The following PRDM10 variants were observed in gnomAD, a reference collection of about 807,000 sequenced individuals.
PRDM10 encodes the protein PR/SET domain 10, also known as PR domain zinc finger protein 10.
In PRDM10, 65 loss-of-function variants were observed where a neutral mutation model predicts 133.1. The ratio of observed to expected loss-of-function variants is 0.49; its 90% confidence interval spans 0.40 to 0.60. The LOEUF is 0.60. PRDM10 is among the 20% of genes least tolerant of loss of function. The pLI is 0.00. For synonymous variants in PRDM10, 582 were observed against 580.4 expected (o/e 1.00, Z -0.04); for missense variants, 1,137 against 1,507.1 (o/e 0.75, Z 4.07).
intron 13 of PRDM10, among the ~76,000 whole-genome samples, chr11:129,922,391 C>A (rs1308371681): frequency 6.6e-6 from 1 of 152,106 alleles, no homozygotes; most frequent in South Asian, 2.1e-4. Context: ...ATACTTTTCA[C>A]ACTGGAGTTC....
intron 9 of PRDM10, among the ~76,000 whole-genome samples, chr11:129,933,805 C>A (rs1167725318): frequency 1.3e-5 from 2 of 152,134 alleles, no homozygotes; most frequent in African/African-American, 4.8e-5. Flanking sequence ...GTGTCCACCC[C>A]CTCCTTAGAC....
At chr11:129,942,224 G>T (rs981158067) in intron 7 of PRDM10, among the ~76,000 whole-genome samples, 2 of 152,088 alleles carry the variant, frequency 1.3e-5, no homozygotes, top group African/African-American at 4.8e-5. Context: ...TAGCATAAAA[G>T]CCATATACTT....
rs1030444019 is a variant in PRDM10 at position 129,987,473 on chromosome 11, C to T, written c.-119+15249G>A. On this transcript the variant is annotated intron_variant, in intron 1 of 20. Coordinates refer to ENST00000360871, the MANE Select transcript of PRDM10 (RefSeq NM_199437.2). ...ACTGCTGCCAATATGGAAAACAGCC[C>T]GGCAATTCCACAGAAGACTAAACAT... 5.3e-5 allele frequency among the ~76,000 whole-genome samples: 8 copies of T among 152,194 alleles called. No individual in the cohort carries two copies. In the East Asian group the frequency reaches 1.2e-3, roughly 22 times the overall value.
chr11:129,909,943 T>C (rs533219426), intron 19 of PRDM10, among the ~76,000 whole-genome samples: 31 of 152,256 alleles, frequency 2.0e-4, no homozygotes, highest in African/African-American at 6.7e-4. Context: ...GAAAAGTGAG[T>C]GTGTGGAAAT....
chr11:129,908,041 A>T (rs1184086321), intron 19 of PRDM10, among the ~76,000 whole-genome samples: 1 of 151,598 alleles, frequency 6.6e-6, no homozygotes, highest in East Asian at 1.9e-4. Flanking sequence ...TCGAGGCTGC[A>T]GTGAGCTATG....
chr11:129,931,277 A>G lies in PRDM10; in HGVS notation c.1288-19T>C. The stretch of plus-strand genomic sequence containing the variant: ...GCAAGTCCTGAAATTTGCAATAACC[A>G]GGAATAGAGATCAGTGCCGGAGGGA... On this transcript the variant is annotated intron_variant, in intron 10 of 20. Coordinates refer to ENST00000360871, the MANE Select transcript of PRDM10 (RefSeq NM_199437.2). The G allele has an allele frequency of 6.2e-7, 1 of 1,611,672 alleles. No individual in the cohort carries two copies. Among genetic ancestry groups the G allele is most frequent in the South Asian group, 1.1e-5 (1 of 90,898 alleles).
Position 129,931,307 on chromosome 11 carries a change from C to T in PRDM10, c.1288-49G>A, listed in dbSNP as rs778858923. 3.8e-6 allele frequency: 6 copies of T among 1,562,660 alleles called. No individual in the cohort carries two copies. The Admixed American group carries it at 1.1e-4, about 30-fold the overall frequency. On this transcript the variant is annotated intron_variant, in intron 10 of 20. Coordinates refer to ENST00000360871, the MANE Select transcript of PRDM10 (RefSeq NM_199437.2). ...TAGAGATCAGTGCCGGAGGGACTGT[C>T]AGCTCAGATTTAGAATTGCTGCTTA...
Position 129,947,799 on chromosome 11 carries a change from A to C in PRDM10, c.295-429T>G, listed in dbSNP as rs947460856. On this transcript the variant is annotated intron_variant, in intron 4 of 20. Coordinates refer to ENST00000360871, the MANE Select transcript of PRDM10 (RefSeq NM_199437.2). This position sits in a 1 kb window ranked among gnomAD's most constrained non-coding sequence, Gnocchi z 4.6. ...GCCTGCCCTGTCTCCCAAGACTTCAAATAGGTAAGCAACAGACCGTTTCGA... is the reference window on the plus strand; with the variant it reads ...GCCTGCCCTGTCTCCCAAGACTTCACATAGGTAAGCAACAGACCGTTTCGA... Among the ~76,000 whole-genome samples, 6 of 152,098 alleles carry C rather than the reference A, an allele frequency of 3.9e-5. No individual in the cohort carries two copies. The highest frequency in any genetic ancestry group is 1.4e-4 in the African/African-American group (6 of 41,404).
At position 129,905,880 on chromosome 11, in the gene PRDM10, C is replaced by A. The variant is rs1039351235; in HGVS notation, c.3164-139G>T. On this transcript the variant is annotated intron_variant, in intron 19 of 20. Coordinates refer to ENST00000360871, the MANE Select transcript of PRDM10 (RefSeq NM_199437.2). ...TCACAATGATGTGATTTCTTGGTGC[C>A]GTGAAAGCATCTCTGCTACGAATTG... 1.8e-5 allele frequency: 13 copies of A among 730,144 alleles called. No individual in the cohort carries two copies. In the African/African-American group the frequency reaches 1.9e-4, roughly 11 times the overall value. The allele number at this position is 730,144 out of a possible 1,614,324, so 45.2% of individuals were successfully genotyped here.
intron 1 of PRDM10, among the ~76,000 whole-genome samples, chr11:129,966,773 A>C (rs2135937583): frequency 6.6e-6 from 1 of 152,280 alleles, no homozygotes; most frequent in African/African-American, 2.4e-5. Context: ...CAGGATTAAA[A>C]TTTGCAGAAC....
chr11:129,943,633 G>A (rs1027635640), intron 6 of PRDM10, among the ~76,000 whole-genome samples: 4 of 152,190 alleles, frequency 2.6e-5, no homozygotes, highest in African/African-American at 9.7e-5. Context: ...CCCAAGGCAG[G>A]AAGATCACTT....
At position 129,917,247 on chromosome 11, in the gene PRDM10, A is replaced by C. The variant is rs1950386304; in HGVS notation, c.2215-10T>G. The C allele has an allele frequency of 6.3e-7, 1 of 1,592,770 alleles. No homozygotes were observed. The highest frequency in any genetic ancestry group is 1.7e-5 in the Admixed American group (1 of 59,306). ...TCGATAAGTGATTTACCTAAAGGGA[A>C]AAGAAAGAACCAATGAGAAAAAGAG... On this transcript the variant is annotated splice_polypyrimidine_tract_variant and intron_variant, in intron 14 of 20. Transcript: ENST00000360871.
intron 19 of PRDM10, among the ~76,000 whole-genome samples, chr11:129,907,965 G>T (rs1180037447): frequency 1.3e-5 from 2 of 151,596 alleles, no homozygotes; most frequent in Non-Finnish European, 2.9e-5. Context: ...GCCAAACATG[G>T]TGGTATGTGC....
At chr11:129,930,499 T>C (rs1019228571) in intron 11 of PRDM10, among the ~76,000 whole-genome samples, 34 of 152,220 alleles carry the variant, frequency 2.2e-4, no homozygotes, top group African/African-American at 8.0e-4. Context: ...ACTGACAGCT[T>C]TGGCTCAAGC....
At position 129,917,283 on chromosome 11, in the gene PRDM10, C is replaced by T; in HGVS notation, c.2215-46G>A. On this transcript the variant is annotated intron_variant, in intron 14 of 20. Transcript: ENST00000360871. ...CAATGAGAAAAAGAGACCCCATTAA[C>T]CAAACAGAAGCTACACGAATGCCTC... is the stretch of plus-strand genomic sequence containing the variant. The T allele has an allele frequency of 2.1e-6, 3 of 1,431,338 alleles. No homozygotes were observed. In the East Asian group the frequency reaches 6.8e-5, roughly 33 times the overall value. 88.7% of individuals were successfully genotyped at this position (1,431,338 alleles called of 1,614,324 possible). A position where few individuals can be genotyped will look rare whatever the true frequency, so the allele number is the denominator to read the frequency against.
chr11:129,945,227 T>C lies in PRDM10; in HGVS notation c.521-215A>G, dbSNP rs1225105658. 1.3e-5 allele frequency among the ~76,000 whole-genome samples: 2 copies of C among 152,222 alleles called. No homozygotes were observed. The highest frequency in any genetic ancestry group is 2.4e-5 in the African/African-American group (1 of 41,458). On this transcript the variant is annotated intron_variant, in intron 5 of 20. Coordinates refer to ENST00000360871, the MANE Select transcript of PRDM10 (RefSeq NM_199437.2). This position sits in a 1 kb window ranked among gnomAD's most constrained non-coding sequence, Gnocchi z 4.2. ...TCTAAAATCAGACAGAATTTGCTTA[T>C]GCCTGCCAAAAACAACTAGCAGGCC...
intron 1 of PRDM10, among the ~76,000 whole-genome samples, chr11:129,985,800 AAAAAAAAAAAT>A (rs1184229118): frequency 2.9e-4 from 34 of 117,716 alleles, no homozygotes; most frequent in Non-Finnish European, 3.8e-4. Context: ...AAAAAAAAAA[AAAAAAAAAAAT>A]ATATATATAT....
chr11:129,998,155 T>C (rs56215349), intron 1 of PRDM10, among the ~76,000 whole-genome samples: 15,117 of 152,284 alleles, frequency 0.099, 891 homozygotes, highest in Admixed American at 0.16. Context: ...ATTTAATCAA[T>C]ATTTTATAAA....
chr11:129,966,543 A>G (rs1241923203), intron 1 of PRDM10, among the ~76,000 whole-genome samples: 1 of 152,234 alleles, frequency 6.6e-6, no homozygotes, highest in Non-Finnish European at 1.5e-5. Flanking sequence ...AAAAGATGAC[A>G]CGATAACTTG....
Sources: allele counts gnomAD v4.1 joint callset (sites outside exome capture counted in the v4.1 genomes callset), GRCh38; gene constraint gnomAD v4.1.1; non-coding constraint Gnocchi (gnomAD v3.1); transcripts MANE v1.5; gene names NCBI Gene and HGNC (gene_info 2026-07-23, HGNC 2026-07-21).